PLXNA4: variants seen among roughly 807,000 people sequenced by gnomAD.
The protein encoded by PLXNA4 is plexin-A4.
A neutral mutation model predicts 191.8 loss-of-function variants in PLXNA4; 44 were observed. The observed-to-expected ratio is 0.23, with a 90% CI of 0.18 to 0.29. The LOEUF (loss-of-function observed/expected upper bound fraction) is 0.29. Ranked by LOEUF, PLXNA4 falls within the 10% of genes least tolerant of loss-of-function variation. The pLI is 1.00. For missense variants in PLXNA4, 1,800 were observed against 2,488.8 expected, an observed-to-expected ratio of 0.72 and a Z score of 5.89; for synonymous variants, 1,082 against 1,009.5, an observed-to-expected ratio of 1.07 and a Z score of -1.36.
At chr7:132,599,218 G>C (rs1392911917) in intron 2 of PLXNA4, among the ~76,000 whole-genome samples, 2 of 152,094 alleles carry the variant, frequency 1.3e-5, no homozygotes, top group African/African-American at 4.8e-5. Context: ...TGCTTTGTTG[G>C]TGGGTTTTTA....
At chr7:132,339,861 A>AT (rs1308911676) in intron 3 of PLXNA4, among the ~76,000 whole-genome samples, 1 of 152,196 alleles carries the variant, frequency 6.6e-6, no homozygotes, top group Non-Finnish European at 1.5e-5. Flanking sequence ...TTTCTTTATA[A>AT]AAAGGCCTCT....
chr7:132,237,680 G>A (rs1295684864), intron 5 of PLXNA4, among the ~76,000 whole-genome samples: 1 of 152,174 alleles, frequency 6.6e-6, no homozygotes, highest in Admixed American at 6.5e-5. Flanking sequence ...TGCCCTGACA[G>A]AGCATCTTGG....
At chr7:132,407,374 G>A (rs1219071412) in intron 3 of PLXNA4, among the ~76,000 whole-genome samples, 2 of 152,174 alleles carry the variant, frequency 1.3e-5, no homozygotes, top group African/African-American at 4.8e-5. Flanking sequence ...AGTGTGAGAA[G>A]TTTCTAGTGT....
intron 4 of PLXNA4, among the ~76,000 whole-genome samples, chr7:132,273,357 C>CAT (rs200766732): frequency 0.026 from 3,940 of 152,040 alleles, 188 homozygotes; most frequent in African/African-American, 0.091. Flanking sequence ...CACACACACA[C>CAT]GCACGCACAC....
intron 3 of PLXNA4, among the ~76,000 whole-genome samples, chr7:132,400,581 G>A (rs1472500835): frequency 7.9e-5 from 12 of 152,122 alleles, no homozygotes; most frequent in South Asian, 2.1e-4. Flanking sequence ...TGTGTGAATG[G>A]GCCAGGCCAC....
rs117725827 is a variant in PLXNA4 at position 132,443,658 on chromosome 7, C to T, written c.1371+45634G>A. Reference sequence around the variant, plus strand: ...GCCCTGGACTTGGTCTTCCTTTAGACACTTCCCTCTTCATTAACCTCACGT... The same window carrying T: ...GCCCTGGACTTGGTCTTCCTTTAGATACTTCCCTCTTCATTAACCTCACGT... On this transcript the variant is annotated intron_variant, in intron 3 of 31. Coordinates refer to ENST00000321063, the MANE Select transcript of PLXNA4 (RefSeq NM_020911.2). Among the ~76,000 whole-genome samples the T allele has an allele frequency of 1.2e-4, 19 of 152,304 alleles. 1 individual carries two copies. The East Asian group carries it at 3.7e-3, about 29-fold the overall frequency.
chr7:132,314,022 C>T (rs1166909405), intron 3 of PLXNA4, among the ~76,000 whole-genome samples: 1 of 152,138 alleles, frequency 6.6e-6, no homozygotes, highest in Non-Finnish European at 1.5e-5. Context: ...ACTTCTCATC[C>T]CAGAAGCTGA....
intron 3 of PLXNA4, among the ~76,000 whole-genome samples, chr7:132,470,550 G>A (rs1279378671): frequency 1.3e-5 from 2 of 152,096 alleles, no homozygotes; most frequent in Non-Finnish European, 2.9e-5. Context: ...CAGAACTTGC[G>A]AATAGGTTAC....
chr7:132,597,403 C>A (rs1176078122), intron 2 of PLXNA4, among the ~76,000 whole-genome samples: 1 of 152,148 alleles, frequency 6.6e-6, no homozygotes, highest in Admixed American at 6.5e-5. Context: ...ATAATTCCAA[C>A]CTATTTTTTA....
chr7:132,567,812 T>C (rs1013909002), intron 1 of PLXNA4, among the ~76,000 whole-genome samples: 3 of 152,154 alleles, frequency 2.0e-5, no homozygotes, highest in African/African-American at 7.2e-5. Flanking sequence ...AAAGCATGAA[T>C]TGAGTTACTG....
chr7:132,484,634 T>C, intron 3 of PLXNA4: 2 of 1,056,744 alleles, frequency 1.9e-6, no homozygotes. Context: ...ACAACAGAAC[T>C]ACCTGACCGA....
intron 3 of PLXNA4, among the ~76,000 whole-genome samples, chr7:132,350,705 T>G (rs1803449067): frequency 6.6e-6 from 1 of 152,108 alleles, no homozygotes; most frequent in Admixed American, 6.5e-5. Context: ...GGAAGTGAGG[T>G]GGCTGCTTTG....
intron 3 of PLXNA4, among the ~76,000 whole-genome samples, chr7:132,421,145 A>G (rs1003437514): frequency 6.6e-6 from 1 of 152,156 alleles, no homozygotes; most frequent in Non-Finnish European, 1.5e-5. Context: ...TTCTGTCTTT[A>G]TGAATTTGAC....
chr7:132,262,345 T>C (rs2116255324), intron 4 of PLXNA4, among the ~76,000 whole-genome samples: 1 of 152,326 alleles, frequency 6.6e-6, no homozygotes, highest in East Asian at 1.9e-4. Flanking sequence ...AGGCTGTGGA[T>C]TATTAATGAT....
At chr7:132,573,964 A>C (rs995066838) in intron 1 of PLXNA4, among the ~76,000 whole-genome samples, 28 of 152,188 alleles carry the variant, frequency 1.8e-4, no homozygotes, top group African/African-American at 6.5e-4. Flanking sequence ...AGTGGCAGAG[A>C]GGGTGAATGA....
At chr7:132,474,235 C>T (rs866923809) in intron 3 of PLXNA4, among the ~76,000 whole-genome samples, 4,758 of 151,520 alleles carry the variant, frequency 0.031, 116 homozygotes, top group Middle Eastern at 0.075. Context: ...CACACACACA[C>T]ACACACACAC....
At chr7:132,387,082 C>G (rs1269961815) in intron 3 of PLXNA4, among the ~76,000 whole-genome samples, 3 of 152,206 alleles carry the variant, frequency 2.0e-5, no homozygotes, top group African/African-American at 7.2e-5. Context: ...CTCTCAATGT[C>G]TGTACCTATC....
At chr7:132,180,536 C>T in intron 19 of PLXNA4, 50 bp downstream of exon 19, 4 of 1,608,300 alleles carry the variant, frequency 2.5e-6, no homozygotes, top group Non-Finnish European at 3.4e-6. Flanking sequence ...GAGCTCACAT[C>T]TGCATCCCTA....
chr7:132,310,380 T>G (rs1029243231), intron 3 of PLXNA4, among the ~76,000 whole-genome samples: 1 of 152,196 alleles, frequency 6.6e-6, no homozygotes, highest in African/African-American at 2.4e-5. Flanking sequence ...GAGCACAGCT[T>G]CCCCTAGCAA....
Sources: allele counts gnomAD v4.1 joint callset (sites outside exome capture counted in the v4.1 genomes callset), GRCh38; gene constraint gnomAD v4.1.1; transcripts MANE v1.5; gene names NCBI Gene and HGNC (gene_info 2026-07-23, HGNC 2026-07-21).